The following ADGRB3 variants were observed in gnomAD, a reference collection of about 807,000 sequenced individuals.
The protein encoded by ADGRB3 is adhesion G protein-coupled receptor B3, also known as brain-specific angiogenesis inhibitor 3.
A neutral mutation model predicts 193.4 loss-of-function variants in ADGRB3; 37 were observed. That is an observed-to-expected ratio of 0.19 (90% CI 0.15 to 0.25). The LOEUF (loss-of-function observed/expected upper bound fraction) is 0.25. Ranked by LOEUF, ADGRB3 falls within the 10% of genes least tolerant of loss-of-function variation. ADGRB3 has a pLI of 1.00. For synonymous variants in ADGRB3, 690 were observed against 644.2 expected (o/e 1.07, Z -1.08); for missense variants, 1,637 against 1,852.9 (o/e 0.88, Z 2.14).
At chr6:68,833,243 A>T (rs1046384936) in intron 3 of ADGRB3, among the ~76,000 whole-genome samples, 6 of 152,080 alleles carry the variant, frequency 3.9e-5, no homozygotes, top group African/African-American at 1.4e-4. Flanking sequence ...TAAATAATAC[A>T]GATTATTTCA....
intron 15 of ADGRB3, among the ~76,000 whole-genome samples, chr6:69,061,647 G>A (rs1342618644): frequency 1.3e-5 from 2 of 151,702 alleles, no homozygotes; most frequent in African/African-American, 4.8e-5. Flanking sequence ...ATAACCTAAA[G>A]GTTTTAACCT....
chr6:69,079,215 T>C (rs892066981), intron 17 of ADGRB3, among the ~76,000 whole-genome samples: 2 of 152,082 alleles, frequency 1.3e-5, no homozygotes, highest in Non-Finnish European at 2.9e-5. Context: ...ATTTGTTTTG[T>C]TCTGGCTCAC....
intron 17 of ADGRB3, among the ~76,000 whole-genome samples, chr6:69,125,809 C>A (rs1241083631): frequency 6.6e-6 from 1 of 152,078 alleles, no homozygotes; most frequent in East Asian, 1.9e-4. Flanking sequence ...CATTGCTTAC[C>A]TCCCACTTTG....
At chr6:68,944,077 C>G in intron 6 of ADGRB3, 83 bp downstream of exon 6, 1 of 1,398,618 alleles carries the variant, frequency 7.1e-7, no homozygotes, top group South Asian at 1.5e-5. Flanking sequence ...ATTAAGAGTA[C>G]AACCTTCATT....
At chr6:68,925,421 A>C (rs1767152220) in intron 3 of ADGRB3, among the ~76,000 whole-genome samples, 2 of 151,964 alleles carry the variant, frequency 1.3e-5, no homozygotes, top group Admixed American at 6.6e-5. Flanking sequence ...TAAATCTAAT[A>C]ACATTTTTCA....
chr6:68,784,764 C>A (rs1766925942), intron 3 of ADGRB3, among the ~76,000 whole-genome samples: 1 of 152,094 alleles, frequency 6.6e-6, no homozygotes, highest in Non-Finnish European at 1.5e-5. Context: ...TTTGATTTTA[C>A]TTTCTCGTAT....
intron 17 of ADGRB3, among the ~76,000 whole-genome samples, chr6:69,199,956 A>G (rs1426583368): frequency 6.6e-6 from 1 of 151,978 alleles, no homozygotes; most frequent in Middle Eastern, 3.4e-3. Context: ...TTTTTGAGCC[A>G]TTCAATGTTG....
intron 17 of ADGRB3, among the ~76,000 whole-genome samples, chr6:69,112,407 C>T (rs7759129): frequency 0.038 from 5,841 of 152,196 alleles, 392 homozygotes; most frequent in African/African-American, 0.13. Flanking sequence ...TCATATGACT[C>T]ACCTGGTTGC....
intron 3 of ADGRB3, among the ~76,000 whole-genome samples, chr6:68,672,357 G>A (rs907712409): frequency 2.0e-5 from 3 of 150,796 alleles, no homozygotes; most frequent in East Asian, 3.9e-4. Flanking sequence ...ATCACTAACC[G>A]GTTTATTTGA....
At chr6:69,334,786 T>C (rs991339137) in intron 24 of ADGRB3, among the ~76,000 whole-genome samples, 2 of 152,172 alleles carry the variant, frequency 1.3e-5, no homozygotes, top group Non-Finnish European at 2.9e-5. Context: ...TGGGACTCTT[T>C]AGTGGTTAAG....
chr6:69,011,485 G>A (rs1315697379), intron 11 of ADGRB3, among the ~76,000 whole-genome samples: 1 of 151,820 alleles, frequency 6.6e-6, no homozygotes, highest in Non-Finnish European at 1.5e-5. Context: ...GAGTGGGGAG[G>A]GAGGGAAGGA....
intron 17 of ADGRB3, among the ~76,000 whole-genome samples, chr6:69,137,143 C>T (rs1022789043): frequency 2.9e-4 from 41 of 141,592 alleles, no homozygotes; most frequent in African/African-American, 1.0e-3. Context: ...TTTCTTATAA[C>T]TCCTGCATTT....
chr6:68,786,045 G>A (rs369699948), intron 3 of ADGRB3, among the ~76,000 whole-genome samples: 1 of 151,618 alleles, frequency 6.6e-6, no homozygotes, highest in South Asian at 2.1e-4. Context: ...TGTAGATTCT[G>A]GATATTAGCC....
At chr6:68,939,804 A>G (rs1055980262) in intron 5 of ADGRB3, among the ~76,000 whole-genome samples, 1 of 152,222 alleles carries the variant, frequency 6.6e-6, no homozygotes, top group African/African-American at 2.4e-5. Flanking sequence ...CTAAAATAAT[A>G]AATTCCTAAG....
chr6:69,080,535 T>C (rs556231991), intron 17 of ADGRB3, among the ~76,000 whole-genome samples: 19 of 151,712 alleles, frequency 1.3e-4, no homozygotes, highest in Admixed American at 9.2e-4. Flanking sequence ...AATTAAGAAA[T>C]AAACCAAGAA....
chr6:68,777,982 G>A (rs146737580), intron 3 of ADGRB3, among the ~76,000 whole-genome samples: 1 of 152,138 alleles, frequency 6.6e-6, no homozygotes, highest in Non-Finnish European at 1.5e-5. Flanking sequence ...AACCAACAAA[G>A]CCTGTTGATG....
intron 3 of ADGRB3, among the ~76,000 whole-genome samples, chr6:68,918,894 G>A (rs750427889): frequency 4.0e-4 from 61 of 151,846 alleles, no homozygotes; most frequent in African/African-American, 9.2e-4. Context: ...ATATTTTACC[G>A]CAGCGTAGTA....
intron 5 of ADGRB3, among the ~76,000 whole-genome samples, chr6:68,938,742 A>T (rs1315690761): frequency 6.6e-6 from 1 of 152,178 alleles, no homozygotes; most frequent in Non-Finnish European, 1.5e-5. Flanking sequence ...GTGTGGGTAC[A>T]GTGGGTTTTC....
At position 69,288,921 on chromosome 6, in the gene ADGRB3, C is replaced by A. The variant is rs181005644; in HGVS notation, c.2815-35951C>A. 9.9e-5 allele frequency among the ~76,000 whole-genome samples: 15 copies of A among 152,282 alleles called. No individual in the cohort carries two copies. The East Asian group carries it at 2.9e-3, about 29-fold the overall frequency. Reference sequence around the variant, plus strand: ...CAAAGGAACACGCTTCTCTTTTGTACTCCATACTTCCTTTCCCATGACATT... The same window carrying A: ...CAAAGGAACACGCTTCTCTTTTGTAATCCATACTTCCTTTCCCATGACATT... On this transcript the variant is annotated intron_variant, in intron 20 of 31. Coordinates refer to ENST00000370598, the MANE Select transcript of ADGRB3 (RefSeq NM_001704.3).
Sources: allele counts gnomAD v4.1 joint callset (sites outside exome capture counted in the v4.1 genomes callset), GRCh38; gene constraint gnomAD v4.1.1; transcripts MANE v1.5; gene names NCBI Gene and HGNC (gene_info 2026-07-23, HGNC 2026-07-21).